The following KDM6A variants were observed in gnomAD, a reference collection of about 807,000 sequenced individuals.
KDM6A encodes lysine demethylase 6A.
Under a neutral mutation model 117.6 loss-of-function variants are expected in KDM6A, and 11 were observed. The ratio of observed to expected loss-of-function variants is 0.09; its 90% CI spans 0.06 to 0.15. KDM6A has a LOEUF of 0.15. Ranked by LOEUF, KDM6A falls within the 10% of genes least tolerant of loss-of-function variation. The pLI is 1.00. For missense variants in KDM6A, 799 were observed against 1,077.3 expected (o/e 0.74, Z 3.62); for synonymous variants, 384 against 396.1 (o/e 0.97, Z 0.36).
chrX:45,078,391 AT>A lies in KDM6A; in HGVS notation c.2989-5del. The stretch of plus-strand genomic sequence containing the variant: ...TCCTGAGATCTAACCACATATTTTA[AT>A]TTTACAGTTGGAAAATAAACGTGAT... On this transcript the variant is annotated splice_polypyrimidine_tract_variant and splice_region_variant and intron_variant, in intron 19 of 29. Transcript: ENST00000611820. 8.3e-7 allele frequency: 1 copy of A among 1,204,008 alleles called. No homozygotes were observed. The highest frequency in any genetic ancestry group is 1.1e-6 in the Non-Finnish European group (1 of 890,171).
chrX:44,984,759 C>A (rs1311316882), intron 4 of KDM6A, among the ~76,000 whole-genome samples: 1 of 111,365 alleles, frequency 9.0e-6, no homozygotes, highest in Non-Finnish European at 1.9e-5. Context: ...CTGTTCTTTT[C>A]CATTGGTCTG....
At chrX:44,956,303 A>G (rs1382974691) in intron 2 of KDM6A, among the ~76,000 whole-genome samples, 1 of 111,923 alleles carries the variant, frequency 8.9e-6, no homozygotes, top group Non-Finnish European at 1.9e-5. Context: ...TGAGCTGATT[A>G]TTGCTGTTGA....
chrX:44,999,547 A>G (rs1434943673), intron 4 of KDM6A, among the ~76,000 whole-genome samples: 1 of 111,732 alleles, frequency 8.9e-6, no homozygotes, highest in East Asian at 2.8e-4. Flanking sequence ...GGAGCAGGTA[A>G]TTGAAAAAGG....
Position 45,063,685 on chromosome X carries a change from T to C in KDM6A, c.1947T>C (p.His649=), listed in dbSNP as rs1254661833. 3 of 1,209,549 alleles carry C rather than the reference T, an allele frequency of 2.5e-6. No homozygotes were observed. Among genetic ancestry groups the C allele is most frequent in the African/African-American group, 3.5e-5 (2 of 57,582 alleles). ...ACACTATTTTGATAGGCAATAATCATATAACAGGAAGTGGAAGTAATGGAA... is the reference window on the plus strand; with the variant it reads ...ACACTATTTTGATAGGCAATAATCACATAACAGGAAGTGGAAGTAATGGAA... The part of the protein sequence containing the change: ...STDTILIGNN[H]ITGSGSNGNV... The change falls in exon 17 of 30, where the codon CAT becomes CAC. Residue 649 remains histidine (H), a synonymous_variant. Coordinates refer to ENST00000611820, the MANE Select transcript of KDM6A (RefSeq NM_001291415.2).
chrX:45,063,833 G>A lies in KDM6A; in HGVS notation c.2079+16G>A. 4.3e-6 allele frequency: 5 copies of A among 1,175,838 alleles called. No individual in the cohort carries two copies. The highest frequency in any genetic ancestry group is 5.7e-6 in the Non-Finnish European group (5 of 872,652). On this transcript the variant is annotated intron_variant, in intron 17 of 29. Transcript: ENST00000611820. ...CTCCACTCAGGTAATAGGAGGACTA[G>A]CTTCCTTGTTGGCTTTTCACATAAA...
At chrX:44,923,908 A>G (rs1382183313) in intron 2 of KDM6A, among the ~76,000 whole-genome samples, 1 of 110,971 alleles carries the variant, frequency 9.0e-6, no homozygotes, top group East Asian at 2.8e-4. Flanking sequence ...TTTTTAGTGG[A>G]GACAGGGATT....
At chrX:45,042,855 C>G (rs886092019) in intron 8 of KDM6A, among the ~76,000 whole-genome samples, 2 of 112,297 alleles carry the variant, frequency 1.8e-5, no homozygotes, top group East Asian at 2.8e-4. Context: ...GGGCCCTGTC[C>G]CGACATTACC....
At position 44,883,436 on chromosome X, in the gene KDM6A, G is replaced by A. The variant is rs756501680; in HGVS notation, c.225+9449G>A. Reference sequence around the variant, plus strand: ...CGTCCAGGCTGGAGTGCAGTGGTGTGATCTTGGCTCACTGCAACCTCCACC... The same window carrying A: ...CGTCCAGGCTGGAGTGCAGTGGTGTAATCTTGGCTCACTGCAACCTCCACC... On this transcript the variant is annotated intron_variant, in intron 2 of 29. Transcript: ENST00000611820. Among the ~76,000 whole-genome samples the A allele has an allele frequency of 9.3e-5, 10 of 107,434 alleles. No individual in the cohort carries two copies. The East Asian group carries it at 3.0e-3, about 32-fold the overall frequency. The allele number at this position is 107,434 out of a possible 115,157, so 93.3% of individuals were successfully genotyped here.
intron 2 of KDM6A, among the ~76,000 whole-genome samples, chrX:44,918,809 A>G (rs2035718503): frequency 8.9e-6 from 1 of 111,867 alleles, no homozygotes; most frequent in African/African-American, 3.2e-5. Flanking sequence ...ATATTAGGAA[A>G]CAGGCTGTAT....
At chrX:45,079,078 A>G in intron 20 of KDM6A, 68 bp from the exon 21 acceptor site, 4 of 942,972 alleles carry the variant, frequency 4.2e-6, no homozygotes, top group Non-Finnish European at 5.9e-6. Flanking sequence ...CTTTAAAAAA[A>G]AAAAGCACTT....
chrX:44,907,698 T>C (rs2034810106), intron 2 of KDM6A, among the ~76,000 whole-genome samples: 1 of 107,335 alleles, frequency 9.3e-6, no homozygotes, highest in Non-Finnish European at 1.9e-5. Context: ...TCCACCCGTC[T>C]TGGCCTCCCA....
At chrX:44,906,841 C>T (rs1296899484) in intron 2 of KDM6A, among the ~76,000 whole-genome samples, 4 of 112,049 alleles carry the variant, frequency 3.6e-5, no homozygotes, top group African/African-American at 1.3e-4. Context: ...TTGTTAGGAG[C>T]AGCATTATTG....
rs766555965 is a variant in KDM6A, at chrX:45,061,345, G to A, written c.1507G>A (p.Gly503Ser). The change falls in exon 15 of 30, where the codon GGT (glycine) becomes AGT (serine). Residue 503 changes from glycine (G) to serine (S), a missense_variant. This residue lies in a region of KDM6A where 301 missense variants were observed against 318.3 expected (regional missense o/e 0.95). Coordinates refer to ENST00000611820, the MANE Select transcript of KDM6A (RefSeq NM_001291415.2). ...PTKNTSDNWS[G>S]GHAVSHPPVQ... ...TCAGAATACTTCTGACAATTGGAGT[G>A]GTGGACATGCTGTGTCACATCCTCC... The A allele has an allele frequency of 2.5e-6, 3 of 1,177,581 alleles. No individual in the cohort carries two copies. The highest frequency in any genetic ancestry group is 3.5e-6 in the Non-Finnish European group (3 of 867,082).
In KDM6A at chrX:45,086,101, G is replaced by A. The variant is rs147324955; in HGVS notation, c.3704+122G>A. The A allele has an allele frequency of 0.013, 6,281 of 482,132 alleles. 301 individuals carry two copies. In the African/African-American group the frequency reaches 0.13, roughly 10 times the overall value. The allele number at this position is 482,132 out of a possible 1,213,427, so 39.7% of individuals were successfully genotyped here. On this transcript the variant is annotated intron_variant, in intron 25 of 29. Coordinates refer to ENST00000611820, the MANE Select transcript of KDM6A (RefSeq NM_001291415.2). ...CAGTATTCACTTACCATTCAGCGAA[G>A]AATTCATTTTAAATTATTTGATTCC...
At chrX:44,927,111 T>C (rs1264509552) in intron 2 of KDM6A, among the ~76,000 whole-genome samples, 1 of 111,466 alleles carries the variant, frequency 9.0e-6, no homozygotes, top group Non-Finnish European at 1.9e-5. Flanking sequence ...ACCCCCGTCA[T>C]ATTTACTGGC....
chrX:45,094,971 T>C (rs2046046084), intron 27 of KDM6A, among the ~76,000 whole-genome samples: 1 of 111,317 alleles, frequency 9.0e-6, no homozygotes, highest in Non-Finnish European at 1.9e-5. Context: ...GTCAGAGAGC[T>C]CTTGGTGGGT....
chrX:45,040,528 G>A (rs2043072501), intron 8 of KDM6A, among the ~76,000 whole-genome samples: 1 of 68,631 alleles, frequency 1.5e-5, no homozygotes, highest in Non-Finnish European at 2.9e-5. Context: ...CGGACGGGGC[G>A]GCTGGCCGGG....
At chrX:44,941,969 A>T (rs924227699) in intron 2 of KDM6A, among the ~76,000 whole-genome samples, 2 of 109,631 alleles carry the variant, frequency 1.8e-5, no homozygotes, top group African/African-American at 6.7e-5. Context: ...ATGCATTGAG[A>T]GGTTCTTTTT....
chrX:44,969,979 A>G (rs1343353690), intron 3 of KDM6A, among the ~76,000 whole-genome samples: 2 of 112,332 alleles, frequency 1.8e-5, no homozygotes, highest in African/African-American at 6.5e-5. Context: ...TTTATGGATA[A>G]CTACCTTAAA....
Sources: gnomAD v4.1 joint callset for allele counts (sites outside exome capture counted in the v4.1 genomes callset) on GRCh38, gnomAD v4.1.1 for gene constraint, gnomAD v4.1.1 regional missense constraint, MANE v1.5 for transcripts, NCBI Gene and HGNC (gene_info 2026-07-23, HGNC 2026-07-21) for gene names.